CYP7B1: variants seen among roughly 807,000 people sequenced by gnomAD.
The protein encoded by CYP7B1 is cytochrome P450 7B1.
A neutral mutation model predicts 42.7 loss-of-function variants in CYP7B1; 29 were observed. The ratio of observed to expected loss-of-function variants is 0.68; its 90% CI spans 0.51 to 0.93. CYP7B1 has a LOEUF of 0.93. CYP7B1 is among the 40% of genes least tolerant of loss of function. The probability of loss-of-function intolerance (pLI) is 0.00; values close to 1 mark genes in which losing one functional copy is unlikely to be tolerated. For missense variants in CYP7B1, 655 were observed against 600.5 expected (o/e 1.09, Z -0.95); for synonymous variants, 235 against 218.2 (o/e 1.08, Z -0.68).
chr8:64,763,047 G>A (rs1191500111), intron 1 of CYP7B1, among the ~76,000 whole-genome samples: 2 of 152,154 alleles, frequency 1.3e-5, no homozygotes, highest in Non-Finnish European at 2.9e-5. Flanking sequence ...CTCCGTGTTT[G>A]TTATGGCTCG....
At chr8:64,778,442 C>T (rs2129665990) in intron 1 of CYP7B1, among the ~76,000 whole-genome samples, 1 of 152,048 alleles carries the variant, frequency 6.6e-6, no homozygotes, top group Non-Finnish European at 1.5e-5. Context: ...CAACAAGAGA[C>T]ATATCAGGAA....
rs535990495 is a variant in CYP7B1, at chr8:64,795,064, G to A, written c.122+3402C>T. Among the ~76,000 whole-genome samples, 9 of 151,822 alleles carry A rather than the reference G, an allele frequency of 5.9e-5. No individual in the cohort carries two copies. The East Asian group carries it at 9.7e-4, about 16-fold the overall frequency. ...AAAGTGTCAATTTTCCGAAATGGTT[G>A]TGGATAGAAAACTCTATATTCTATG... On this transcript the variant is annotated intron_variant, in intron 1 of 5. Transcript: ENST00000310193.
intron 1 of CYP7B1, among the ~76,000 whole-genome samples, chr8:64,686,629 G>A (rs374568146): frequency 7.2e-5 from 4 of 55,248 alleles, no homozygotes; most frequent in East Asian, 3.4e-4. Flanking sequence ...TGGGAGGTGT[G>A]CCCAACAGCT....
At chr8:64,747,915 T>C (rs1053097286) in intron 1 of CYP7B1, among the ~76,000 whole-genome samples, 2 of 151,968 alleles carry the variant, frequency 1.3e-5, no homozygotes, top group Non-Finnish European at 2.9e-5. Flanking sequence ...AGTCACCCAA[T>C]GGGTAAGGCT....
At chr8:64,783,989 A>C (rs1356394879) in intron 1 of CYP7B1, among the ~76,000 whole-genome samples, 3 of 152,166 alleles carry the variant, frequency 2.0e-5, no homozygotes, top group Non-Finnish European at 4.4e-5. Context: ...TCATTTTTAA[A>C]ATTTTATTTT....
chr8:64,674,197 T>C (rs1168931916), intron 1 of CYP7B1, among the ~76,000 whole-genome samples: 3 of 152,146 alleles, frequency 2.0e-5, no homozygotes, highest in Admixed American at 2.0e-4. Flanking sequence ...CAATGGAATT[T>C]TTGCTGGATT....
At chr8:64,683,605 A>G (rs2129632003) in intron 1 of CYP7B1, among the ~76,000 whole-genome samples, 1 of 152,328 alleles carries the variant, frequency 6.6e-6, no homozygotes, top group East Asian at 1.9e-4. Flanking sequence ...GATTGCTTGT[A>G]ACTCAAAGGA....
chr8:64,601,677 T>G (rs1178217275), intron 5 of CYP7B1, among the ~76,000 whole-genome samples: 1 of 152,234 alleles, frequency 6.6e-6, no homozygotes, highest in African/African-American at 2.4e-5. Context: ...CTTTTATTTA[T>G]TATTGTAAGA....
intron 1 of CYP7B1, among the ~76,000 whole-genome samples, chr8:64,749,493 TGAGG>T (rs753998271): frequency 6.6e-6 from 1 of 152,166 alleles, no homozygotes; most frequent in Non-Finnish European, 1.5e-5. Context: ...CAAGCTGGAC[TGAGG>T]GAGAGCAGTG....
intron 4 of CYP7B1, among the ~76,000 whole-genome samples, chr8:64,609,582 A>G (rs1018629208): frequency 6.6e-6 from 1 of 152,226 alleles, no homozygotes; most frequent in East Asian, 1.9e-4. Context: ...GGATGAATTC[A>G]ATTAGTCAAT....
intron 1 of CYP7B1, among the ~76,000 whole-genome samples, chr8:64,774,075 C>G (rs969847715): frequency 6.6e-6 from 1 of 152,174 alleles, no homozygotes; most frequent in African/African-American, 2.4e-5. Flanking sequence ...TATACCTTCC[C>G]TCTCTCCCAC....
chr8:64,629,781 A>C (rs571422732), intron 1 of CYP7B1, among the ~76,000 whole-genome samples: 6 of 152,370 alleles, frequency 3.9e-5, no homozygotes, highest in African/African-American at 1.4e-4. Flanking sequence ...AGCACAAGGA[A>C]ACTTAGAAAT....
At chr8:64,727,476 T>C (rs1476107945) in intron 1 of CYP7B1, among the ~76,000 whole-genome samples, 1 of 152,136 alleles carries the variant, frequency 6.6e-6, no homozygotes, top group African/African-American at 2.4e-5. Flanking sequence ...ATTCACACAA[T>C]ATGTACATTG....
intron 1 of CYP7B1, among the ~76,000 whole-genome samples, chr8:64,685,038 A>G (rs1806598793): frequency 6.6e-6 from 1 of 152,232 alleles, no homozygotes; most frequent in Non-Finnish European, 1.5e-5. Flanking sequence ...GTTAAACACA[A>G]TAATACCAAA....
intron 1 of CYP7B1, among the ~76,000 whole-genome samples, chr8:64,780,663 T>A (rs1804406588): frequency 6.6e-6 from 1 of 152,194 alleles, no homozygotes; most frequent in African/African-American, 2.4e-5. Context: ...TATAATTTTG[T>A]CCTTTGCCTT....
At chr8:64,772,680 C>G (rs1804256246) in intron 1 of CYP7B1, among the ~76,000 whole-genome samples, 4 of 152,220 alleles carry the variant, frequency 2.6e-5, no homozygotes, top group Non-Finnish European at 1.5e-5. Context: ...ACCCTGTCTA[C>G]TGCACACCAT....
chr8:64,754,316 G>A (rs1006610595), intron 1 of CYP7B1, among the ~76,000 whole-genome samples: 11 of 152,118 alleles, frequency 7.2e-5, no homozygotes, highest in Non-Finnish European at 1.2e-4. Flanking sequence ...TATATTTTTA[G>A]TATTGAAATA....
intron 1 of CYP7B1, among the ~76,000 whole-genome samples, chr8:64,707,171 T>C (rs1807012040): frequency 6.6e-6 from 1 of 152,090 alleles, no homozygotes; most frequent in South Asian, 2.1e-4. Context: ...ACTAAGGCAA[T>C]ACTTTCATCC....
At chr8:64,688,267 T>C (rs960587085) in intron 1 of CYP7B1, among the ~76,000 whole-genome samples, 9 of 152,224 alleles carry the variant, frequency 5.9e-5, no homozygotes, top group African/African-American at 1.7e-4. Context: ...AGCAAAGCTT[T>C]AGAGACTTGG....
Sources: allele counts gnomAD v4.1 joint callset (sites outside exome capture counted in the v4.1 genomes callset), GRCh38; gene constraint gnomAD v4.1.1; transcripts MANE v1.5; gene names NCBI Gene and HGNC (gene_info 2026-07-23, HGNC 2026-07-21).